TRPC6: variants seen among roughly 807,000 people sequenced by gnomAD.
TRPC6 encodes transient receptor potential cation channel subfamily C member 6.
A neutral mutation model predicts 90.7 loss-of-function variants in TRPC6; 55 were observed. That is an observed-to-expected ratio of 0.61 (90% CI 0.49 to 0.76). TRPC6 has a LOEUF of 0.76. Ranked by LOEUF, TRPC6 falls within the 30% of genes least tolerant of loss-of-function variation. The pLI, the probability that TRPC6 is intolerant of heterozygous loss-of-function variation, is 0.00. For synonymous variants in TRPC6, 393 were observed against 393.0 expected, an observed-to-expected ratio of 1.00 and a Z score of 0.00; for missense variants, 989 against 1,122.7, an observed-to-expected ratio of 0.88 and a Z score of 1.70.
At chr11:101,521,082 A>G (rs146458446) in intron 1 of TRPC6, among the ~76,000 whole-genome samples, 1,545 of 151,948 alleles carry the variant, frequency 0.01, 27 homozygotes, top group African/African-American at 0.036. Flanking sequence ...AGAAATTTGC[A>G]TAAGTAAAGA....
At chr11:101,580,698 T>C (rs868355135) in intron 1 of TRPC6, among the ~76,000 whole-genome samples, 6 of 152,152 alleles carry the variant, frequency 3.9e-5, no homozygotes, top group Admixed American at 2.0e-4. Context: ...GCAAGAGTCA[T>C]AGAATTTATT....
chr11:101,491,658 G>C lies in TRPC6; in HGVS notation c.1026C>G (p.Val342=), dbSNP rs765798444. 1 of 1,613,784 alleles carries C rather than the reference G, an allele frequency of 6.2e-7. No homozygotes were observed. Among genetic ancestry groups the C allele is most frequent in the Non-Finnish European group, 8.5e-7 (1 of 1,179,976 alleles). The part of the protein sequence containing the change: ...LLDLCRNTEE[V]EAILNGDVET... ...CAACATCCCCATTCAGAATGGCCTC[G>C]ACTTCTTCAGTGTTTCTGCACAGAT... The change falls in exon 3 of 13, where the codon GTC becomes GTG. Residue 342 remains valine, a synonymous_variant. Coordinates refer to ENST00000344327, the MANE Select transcript of TRPC6 (RefSeq NM_004621.6).
At chr11:101,535,964 C>T (rs7106085) in intron 1 of TRPC6, among the ~76,000 whole-genome samples, 67,678 of 152,072 alleles carry the variant, frequency 0.45, 16,474 homozygotes, top group Non-Finnish European at 0.56. Context: ...GTAATTCCCT[C>T]ATCCATTCAA....
intron 1 of TRPC6, among the ~76,000 whole-genome samples, chr11:101,512,745 T>C (rs1425573916): frequency 6.6e-6 from 1 of 152,038 alleles, no homozygotes; most frequent in Non-Finnish European, 1.5e-5. Flanking sequence ...CAAAATAGAG[T>C]ACTCTTGGGA....
chr11:101,479,277 C>T (rs138749798), intron 5 of TRPC6, among the ~76,000 whole-genome samples: 62 of 152,324 alleles, frequency 4.1e-4, no homozygotes, highest in African/African-American at 1.4e-3. Flanking sequence ...AGAGTCAGCC[C>T]AGGACTGCAT....
At chr11:101,554,435 G>A (rs935966401) in intron 1 of TRPC6, among the ~76,000 whole-genome samples, 1 of 151,860 alleles carries the variant, frequency 6.6e-6, no homozygotes, top group Non-Finnish European at 1.5e-5. Flanking sequence ...CCTGTTAAGA[G>A]AATAAACAGT....
At chr11:101,473,043 G>GTGAT (rs1859330018) in intron 7 of TRPC6, among the ~76,000 whole-genome samples, 1 of 152,008 alleles carries the variant, frequency 6.6e-6, no homozygotes, top group Non-Finnish European at 1.5e-5. Flanking sequence ...TATCTACTCA[G>GTGAT]TGATAAGATC....
At chr11:101,513,412 C>G (rs779471369) in intron 1 of TRPC6, among the ~76,000 whole-genome samples, 3 of 152,170 alleles carry the variant, frequency 2.0e-5, no homozygotes, top group Non-Finnish European at 2.9e-5. Flanking sequence ...CCATAATTAA[C>G]TCCTTGCTCG....
chr11:101,514,982 T>C (rs12277875), intron 1 of TRPC6, among the ~76,000 whole-genome samples: 7,726 of 152,256 alleles, frequency 0.051, 333 homozygotes, highest in African/African-American at 0.11. Flanking sequence ...ACTACCTGTG[T>C]CATCCCTCTG....
At chr11:101,491,295 G>A (rs373698567) in intron 3 of TRPC6, 133 of 355,118 alleles carry the variant, frequency 3.7e-4, no homozygotes, top group African/African-American at 2.5e-3. Flanking sequence ...TTAGCCGGGC[G>A]TGGTGGTGGG....
chr11:101,485,776 G>A (rs75533367), intron 4 of TRPC6, among the ~76,000 whole-genome samples: 10,749 of 152,090 alleles, frequency 0.071, 438 homozygotes, highest in African/African-American at 0.091. Context: ...TAGAAAACAC[G>A]AGGTTGGGGA....
rs1045691926 is a variant in TRPC6 at position 101,514,508 on chromosome 11, GA to G, written c.171-9711del. On this transcript the variant is annotated intron_variant, in intron 1 of 12. Transcript: ENST00000344327. ...CACAGTTGTTTAAGTCAGCAGCCCAGAAAAAACCCTGAAACATGTTTATTAT... is the reference window on the plus strand; with the variant it reads ...CACAGTTGTTTAAGTCAGCAGCCCAGAAAAACCCTGAAACATGTTTATTAT... Among the ~76,000 whole-genome samples the G allele has an allele frequency of 2.0e-5, 3 of 152,098 alleles. No individual in the cohort carries two copies. The South Asian group carries it at 6.2e-4, about 32-fold the overall frequency.
At chr11:101,549,601 G>A (rs1393839325) in intron 1 of TRPC6, among the ~76,000 whole-genome samples, 2 of 151,066 alleles carry the variant, frequency 1.3e-5, no homozygotes, top group East Asian at 3.9e-4. Flanking sequence ...TATTGAATAA[G>A]GGAGAAAAGA....
chr11:101,471,501 A>C (rs1228045279), intron 8 of TRPC6, 115 bp from the exon 9 acceptor site: 1 of 1,081,824 alleles, frequency 9.2e-7, no homozygotes, highest in Non-Finnish European at 1.4e-6. Context: ...CTCAGACCCC[A>C]GTGATCGTTC....
At chr11:101,556,446 T>C (rs975308138) in intron 1 of TRPC6, among the ~76,000 whole-genome samples, 5 of 151,928 alleles carry the variant, frequency 3.3e-5, no homozygotes, top group Non-Finnish European at 5.9e-5. Context: ...TGCCAACAAA[T>C]TGGATAACCT....
In TRPC6 at chr11:101,462,824, T is replaced by G. The variant is rs142138012; in HGVS notation, c.2484+6603A>C. Among the ~76,000 whole-genome samples, 404 of 152,276 alleles carry G rather than the reference T, an allele frequency of 2.7e-3. 15 individuals are homozygous for G. The East Asian group carries it at 0.069, about 26-fold the overall frequency. On this transcript the variant is annotated intron_variant, in intron 10 of 12. Transcript: ENST00000344327. ...TTTCTTTCTCTTGCCTGAATCCCCT[T>G]GCCAGAACTTCCAATACTACGTTAA...
chr11:101,548,449 T>C lies in TRPC6; in HGVS notation c.170+34885A>G, dbSNP rs548991592. Among the ~76,000 whole-genome samples, 339 of 104,652 alleles carry C rather than the reference T, an allele frequency of 3.2e-3. 1 individual carries two copies. The highest frequency in any genetic ancestry group is 0.01 in the African/African-American group (318 of 31,092). 68.7% of individuals were successfully genotyped at this position (104,652 alleles called of 152,430 possible). On this transcript the variant is annotated intron_variant, in intron 1 of 12. Transcript: ENST00000344327. ...TATATAAATATATAATACATAATTA[T>C]ATATACTGATATATATATATATATA...
At chr11:101,476,229 G>A (rs949003926) in intron 6 of TRPC6, 72 bp downstream of exon 6, 43 of 1,280,482 alleles carry the variant, frequency 3.4e-5, no homozygotes, top group South Asian at 2.2e-4. Flanking sequence ...TGCAGTAACC[G>A]AACTACTACT....
chr11:101,467,877 C>T (rs75226820), intron 10 of TRPC6, among the ~76,000 whole-genome samples: 44 of 152,334 alleles, frequency 2.9e-4, no homozygotes, highest in African/African-American at 1.0e-3. Flanking sequence ...CTCCTAACCA[C>T]TGAACTATCC....
Sources: allele counts gnomAD v4.1 joint callset (sites outside exome capture counted in the v4.1 genomes callset), GRCh38; gene constraint gnomAD v4.1.1; transcripts MANE v1.5; gene names NCBI Gene and HGNC (gene_info 2026-07-23, HGNC 2026-07-21).